Variants in APP observed in about 807,000 individuals in gnomAD.
APP encodes the protein amyloid beta precursor protein.
A neutral mutation model predicts 101.4 loss-of-function variants in APP; 31 were observed. The observed-to-expected ratio is 0.31, with a 90% CI of 0.23 to 0.41. The LOEUF (loss-of-function observed/expected upper bound fraction) is 0.41, where lower values mean the gene tolerates loss of function less well. APP is among the 10% of genes least tolerant of loss of function. The pLI is 1.00. For missense variants in APP, 839 were observed against 1,003.7 expected (o/e 0.84, Z 2.22); for synonymous variants, 366 against 364.4 (o/e 1.00, Z -0.05).
chr21:26,075,223 G>A (rs2061479820), intron 3 of APP, among the ~76,000 whole-genome samples: 1 of 152,068 alleles, frequency 6.6e-6, no homozygotes, highest in African/African-American at 2.4e-5. Context: ...ACATGTTCAA[G>A]CTCTGGGAAT....
intron 13 of APP, among the ~76,000 whole-genome samples, chr21:25,951,315 T>C (rs112673691): frequency 0.041 from 6,210 of 152,310 alleles, 401 homozygotes; most frequent in African/African-American, 0.14. Context: ...CATAATTTAC[T>C]GAAGCAGATA....
intron 1 of APP, among the ~76,000 whole-genome samples, chr21:26,131,920 A>C (rs1294178688): frequency 2.1e-5 from 3 of 143,438 alleles, no homozygotes; most frequent in African/African-American, 7.5e-5. Flanking sequence ...TTTTTTTTTC[A>C]CTCAGATCCT....
At chr21:25,948,252 T>C (rs115413803) in intron 13 of APP, among the ~76,000 whole-genome samples, 91 of 152,138 alleles carry the variant, frequency 6.0e-4, no homozygotes, top group African/African-American at 1.7e-3. Flanking sequence ...TTTGTTGGGC[T>C]GGGAAGTGCT....
At chr21:25,910,223 G>T (rs1326822835) in intron 14 of APP, among the ~76,000 whole-genome samples, 1 of 151,580 alleles carries the variant, frequency 6.6e-6, no homozygotes, top group Non-Finnish European at 1.5e-5. Flanking sequence ...CGCCTCCCGG[G>T]TTCATGCCAT....
At chr21:26,057,359 T>G (rs1328757992) in intron 3 of APP, among the ~76,000 whole-genome samples, 1 of 152,182 alleles carries the variant, frequency 6.6e-6, no homozygotes, top group African/African-American at 2.4e-5. Context: ...TTGGCACCAT[T>G]TATTTCAAGT....
intron 17 of APP, among the ~76,000 whole-genome samples, chr21:25,887,850 A>G (rs1037922563): frequency 2.0e-5 from 3 of 152,150 alleles, no homozygotes; most frequent in African/African-American, 7.2e-5. Context: ...CATGTACTTT[A>G]TGATGTTTGC....
At chr21:26,140,745 A>C (rs145286804) in intron 1 of APP, among the ~76,000 whole-genome samples, 3 of 152,310 alleles carry the variant, frequency 2.0e-5, no homozygotes, top group African/African-American at 7.2e-5. Context: ...TGTCTACATT[A>C]TTTTCTCATG....
intron 8 of APP, among the ~76,000 whole-genome samples, chr21:25,990,856 C>A (rs7276186): frequency 0.32 from 48,982 of 151,980 alleles, 9,215 homozygotes; most frequent in African/African-American, 0.52. Flanking sequence ...TACCTGGCCT[C>A]GCACATCCTG....
chr21:26,167,121 A>G (rs1178526611), intron 1 of APP, among the ~76,000 whole-genome samples: 1 of 152,244 alleles, frequency 6.6e-6, no homozygotes, highest in Non-Finnish European at 1.5e-5. Context: ...TACTTTTTAA[A>G]TACAGGAAGT....
intron 1 of APP, among the ~76,000 whole-genome samples, chr21:26,133,406 T>C (rs1271946198): frequency 6.6e-6 from 1 of 152,254 alleles, no homozygotes; most frequent in African/African-American, 2.4e-5. Flanking sequence ...GTCTGAATTA[T>C]TCACAATTAC....
At chr21:25,928,171 C>T (rs919581319) in intron 13 of APP, among the ~76,000 whole-genome samples, 34 of 147,186 alleles carry the variant, frequency 2.3e-4, no homozygotes, top group African/African-American at 7.6e-4. Flanking sequence ...GGTGAAATCG[C>T]GTCTCTACTA....
chr21:26,000,075 C>T lies in APP; in HGVS notation c.973G>A (p.Gly325Ser). ...GTGTCAAAGTTGTTCCGGTTGCCGCCACATCCGCCGTAAAAGAATGGGGCA... is the reference window on the plus strand; with the variant it reads ...GTGTCAAAGTTGTTCCGGTTGCCGCTACATCCGCCGTAAAAGAATGGGGCA... ...KCAPFFYGGC[G>S]GNRNNFDTEE... Residue 325 changes from glycine (G) to serine (S), a missense_variant, in exon 7 of 18, where the codon GGC becomes AGC. By Grantham distance (56) the Gly-to-Ser change is moderately conservative. Transcript: ENST00000346798. The T allele has an allele frequency of 1.9e-6, 3 of 1,614,130 alleles. No individual in the cohort carries two copies. The highest frequency in any genetic ancestry group is 1.7e-6 in the Non-Finnish European group (2 of 1,180,018).
chr21:26,115,371 A>G (rs1319991052), intron 1 of APP, among the ~76,000 whole-genome samples: 1 of 152,214 alleles, frequency 6.6e-6, no homozygotes, highest in Non-Finnish European at 1.5e-5. Flanking sequence ...CAGAGCAATT[A>G]GCTTGGAGAT....
intron 1 of APP, among the ~76,000 whole-genome samples, chr21:26,168,838 GAGCCACTT>G (rs1226251136): frequency 7.9e-5 from 12 of 152,154 alleles, no homozygotes; most frequent in Non-Finnish European, 1.5e-4. Flanking sequence ...GGTGATTCCT[GAGCCACTT>G]GTGGGTAAAA....
chr21:26,104,137 G>A (rs1275597632), intron 2 of APP, among the ~76,000 whole-genome samples: 1 of 152,078 alleles, frequency 6.6e-6, no homozygotes, highest in African/African-American at 2.4e-5. Context: ...TTTCTTATAA[G>A]GGCACTAGTT....
At chr21:26,000,929 T>G (rs2043265997) in intron 6 of APP, among the ~76,000 whole-genome samples, 1 of 151,716 alleles carries the variant, frequency 6.6e-6, no homozygotes, top group Admixed American at 6.6e-5. Flanking sequence ...TTATTAATTC[T>G]GCTATTTAAT....
At chr21:25,889,844 C>G (rs1372588211) in intron 17 of APP, among the ~76,000 whole-genome samples, 1 of 151,776 alleles carries the variant, frequency 6.6e-6, no homozygotes, top group Non-Finnish European at 1.5e-5. Context: ...AAGACTCCAT[C>G]TCAAAAAACA....
chr21:25,897,143 T>G (rs553563332), intron 16 of APP, among the ~76,000 whole-genome samples: 1 of 152,064 alleles, frequency 6.6e-6, no homozygotes, highest in African/African-American at 2.4e-5. Context: ...TTTTTTTTTT[T>G]TGGGATGGAG....
At chr21:25,920,431 G>C (rs2039574219) in intron 13 of APP, among the ~76,000 whole-genome samples, 1 of 152,118 alleles carries the variant, frequency 6.6e-6, no homozygotes. Context: ...ACACAGACTG[G>C]CAAGTTGGAT....
Sources: allele counts gnomAD v4.1 joint callset (sites outside exome capture counted in the v4.1 genomes callset), GRCh38; gene constraint gnomAD v4.1.1; transcripts MANE v1.5; gene names NCBI Gene and HGNC (gene_info 2026-07-23, HGNC 2026-07-21).